FHOD3: variants seen among roughly 807,000 people sequenced by gnomAD.
FHOD3 encodes the protein formin homology 2 domain containing 3.
A neutral mutation model predicts 173.0 loss-of-function variants in FHOD3; 90 were observed. The ratio of observed to expected loss-of-function variants is 0.52; its 90% CI spans 0.44 to 0.62. The LOEUF (loss-of-function observed/expected upper bound fraction) is 0.62. Ranked by LOEUF, FHOD3 falls within the 20% of genes least tolerant of loss-of-function variation. FHOD3 has a pLI of 0.00. For missense variants in FHOD3, 1,945 were observed against 2,034.7 expected (o/e 0.96, Z 0.85); for synonymous variants, 828 against 823.0 (o/e 1.01, Z -0.10).
intron 3 of FHOD3, among the ~76,000 whole-genome samples, chr18:36,450,478 TA>T (rs2051780307): frequency 8.1e-6 from 1 of 123,562 alleles, no homozygotes; most frequent in East Asian, 3.5e-4. Context: ...TTTATTTATT[TA>T]TTTATTTAAT....
Position 36,649,332 on chromosome 18 carries a change from G to A in FHOD3, c.1213G>A (p.Glu405Lys), listed in dbSNP as rs2149079611. ...TTGTCTCAGGGAGGAGGAGGAGGAA[G>A]AGGAGCAGCCAATCACGGAGCCCAG... ...DLREKEEEEE[E>K]EQPITEPSSE... The change falls in exon 11 of 29, where the codon GAG becomes AAG. Residue 405 changes from glutamate to lysine, a missense_variant. Glu to Lys is a moderately conservative substitution (Grantham distance 56). Around this residue, in one of 5 missense-constraint regions of FHOD3, gnomAD observed 1,099 missense variants for 1,051.2 expected, o/e 1.05. Transcript: ENST00000590592. 1 of 1,535,918 alleles carries A rather than the reference G, an allele frequency of 6.5e-7. No individual in the cohort carries two copies. The highest frequency in any genetic ancestry group is 8.7e-7 in the Non-Finnish European group (1 of 1,146,742).
At chr18:36,757,906 A>ACCCACGCTGGTCAAT (rs955065621) in intron 25 of FHOD3, among the ~76,000 whole-genome samples, 3 of 152,164 alleles carry the variant, frequency 2.0e-5, no homozygotes, top group African/African-American at 7.2e-5. Context: ...GGCTGTGAGA[A>ACCCACGCTGGTCAAT]CCCAGGCTGG....
intron 5 of FHOD3, among the ~76,000 whole-genome samples, chr18:36,559,589 A>G (rs1014531032): frequency 6.6e-6 from 1 of 152,098 alleles, no homozygotes; most frequent in African/African-American, 2.4e-5. Context: ...AAGCCATTTA[A>G]ACAGCTGCAC....
intron 3 of FHOD3, among the ~76,000 whole-genome samples, chr18:36,375,159 AGTGTT>A (rs2047377826): frequency 2.0e-5 from 3 of 152,226 alleles, no homozygotes; most frequent in Non-Finnish European, 4.4e-5. Context: ...TCCAAATGGC[AGTGTT>A]AGATGAGATT....
intron 3 of FHOD3, among the ~76,000 whole-genome samples, chr18:36,491,332 CCTT>C (rs2054461094): frequency 6.6e-6 from 1 of 152,196 alleles, no homozygotes; most frequent in Non-Finnish European, 1.5e-5. Context: ...ACCCCCTCAA[CCTT>C]CTCCAATTTC....
chr18:36,623,087 C>T (rs914946850), intron 9 of FHOD3, among the ~76,000 whole-genome samples: 2 of 152,232 alleles, frequency 1.3e-5, no homozygotes, highest in African/African-American at 2.4e-5. Context: ...GCCCTAACTG[C>T]ATGCCATGTT....
In FHOD3 at chr18:36,512,431, C is replaced by T. The variant is rs542935523; in HGVS notation, c.406-7C>T. ...ATTTGAAGTATTTTTGTTTTCTTTC[C>T]TGCCAGGATGACAAGGATTTGGTGC... On this transcript the variant is annotated splice_polypyrimidine_tract_variant and splice_region_variant and intron_variant, in intron 4 of 28. Coordinates refer to ENST00000590592, the MANE Select transcript of FHOD3 (RefSeq NM_001281740.3). 6.2e-7 allele frequency: 1 copy of T among 1,611,108 alleles called. No individual in the cohort carries two copies. The highest frequency in any genetic ancestry group is 1.1e-5 in the South Asian group (1 of 91,006).
chr18:36,754,468 T>A (rs2042540202), intron 24 of FHOD3, among the ~76,000 whole-genome samples: 1 of 152,142 alleles, frequency 6.6e-6, no homozygotes, highest in Non-Finnish European at 1.5e-5. Context: ...TAATAATTTT[T>A]GTTTACAAAT....
At chr18:36,329,658 CAGCTGTGAA>C (rs1178005154) in intron 1 of FHOD3, among the ~76,000 whole-genome samples, 1 of 152,092 alleles carries the variant, frequency 6.6e-6, no homozygotes, top group Non-Finnish European at 1.5e-5. Context: ...ACATGAGTTT[CAGCTGTGAA>C]GAAGAACTGG....
chr18:36,547,930 C>T (rs1296399481), intron 5 of FHOD3, among the ~76,000 whole-genome samples: 4 of 152,190 alleles, frequency 2.6e-5, no homozygotes, highest in Admixed American at 6.5e-5. Flanking sequence ...CAGTGGCTCA[C>T]GCTTGTAATC....
chr18:36,480,968 CCA>C (rs1272726886), intron 3 of FHOD3, among the ~76,000 whole-genome samples: 1 of 147,478 alleles, frequency 6.8e-6, no homozygotes, highest in Non-Finnish European at 1.5e-5. Flanking sequence ...CCATTTCCAA[CCA>C]CAGTTTTTTT....
intron 3 of FHOD3, among the ~76,000 whole-genome samples, chr18:36,382,484 G>A (rs1015534655): frequency 1.3e-5 from 2 of 152,360 alleles, no homozygotes; most frequent in Admixed American, 1.3e-4. Context: ...TTAGTCCTTT[G>A]TGTAGGTTGG....
intron 2 of FHOD3, among the ~76,000 whole-genome samples, chr18:36,368,566 T>C (rs2047013956): frequency 1.3e-5 from 2 of 152,218 alleles, no homozygotes; most frequent in South Asian, 4.1e-4. Context: ...TTAACTTTTC[T>C]GGGCCTTGAT....
In FHOD3 at chr18:36,744,731, C is replaced by T. The variant is rs970141023; in HGVS notation, c.4041+538C>T. Reference sequence around the variant, plus strand: ...GGCCCTCAGCTGCAAGCTCTTAAAGCGAGTGCAGAGTTAATATCTTCATGA... The same window carrying T: ...GGCCCTCAGCTGCAAGCTCTTAAAGTGAGTGCAGAGTTAATATCTTCATGA... On this transcript the variant is annotated intron_variant, in intron 23 of 28. Transcript: ENST00000590592. Among the ~76,000 whole-genome samples, 2 of 152,156 alleles carry T rather than the reference C, an allele frequency of 1.3e-5. 1 individual carries two copies. Among genetic ancestry groups the T allele is most frequent in the African/African-American group, 4.8e-5 (2 of 41,436 alleles).
chr18:36,371,560 A>T (rs1052467794), intron 2 of FHOD3, among the ~76,000 whole-genome samples: 2 of 152,212 alleles, frequency 1.3e-5, no homozygotes, highest in African/African-American at 4.8e-5. Context: ...ACAATTCAAG[A>T]TGATATTTGG....
At chr18:36,530,696 T>C (rs537622711) in intron 5 of FHOD3, among the ~76,000 whole-genome samples, 2 of 152,350 alleles carry the variant, frequency 1.3e-5, no homozygotes, top group South Asian at 4.1e-4. Context: ...TATTTCCTTG[T>C]GCATCCATGT....
At chr18:36,360,547 A>T (rs9950990) in intron 2 of FHOD3, among the ~76,000 whole-genome samples, 6 of 151,982 alleles carry the variant, frequency 3.9e-5, no homozygotes, top group African/African-American at 1.5e-4. Context: ...AAGGTTAAGA[A>T]GGGCCATGCA....
chr18:36,677,887 T>C (rs764810011), intron 14 of FHOD3, among the ~76,000 whole-genome samples: 2 of 152,192 alleles, frequency 1.3e-5, no homozygotes, highest in Non-Finnish European at 2.9e-5. Context: ...TAGCTTTCAT[T>C]TGGGTCTTTT....
intron 23 of FHOD3, among the ~76,000 whole-genome samples, chr18:36,745,426 C>T (rs2042103432): frequency 6.6e-6 from 1 of 152,190 alleles, no homozygotes; most frequent in Admixed American, 6.5e-5. Flanking sequence ...GCAATAGCAT[C>T]AGGAAGCCCA....
Sources: gnomAD v4.1 joint callset for allele counts (sites outside exome capture counted in the v4.1 genomes callset) on GRCh38, gnomAD v4.1.1 for gene constraint, gnomAD v4.1.1 regional missense constraint, MANE v1.5 for transcripts, NCBI Gene and HGNC (gene_info 2026-07-23, HGNC 2026-07-21) for gene names.